The following BRD3 variants were observed in gnomAD, a reference collection of about 807,000 sequenced individuals.
The protein encoded by BRD3 is bromodomain containing 3.
Under a neutral mutation model 66.8 loss-of-function variants are expected in BRD3, and 17 were observed. That is an observed-to-expected ratio of 0.25 (90% CI 0.17 to 0.38). The LOEUF (loss-of-function observed/expected upper bound fraction) is 0.38, where lower values mean the gene tolerates loss of function less well. Ranked by LOEUF, BRD3 falls within the 10% of genes least tolerant of loss-of-function variation. The pLI, the probability that BRD3 is intolerant of heterozygous loss-of-function variation, is 1.00. For synonymous variants in BRD3, 421 were observed against 393.2 expected, an observed-to-expected ratio of 1.07 and a Z score of -0.84; for missense variants, 713 against 956.1, an observed-to-expected ratio of 0.75 and a Z score of 3.35.
chr9:134,039,339 T>TC (rs1351376828), intron 9 of BRD3, among the ~76,000 whole-genome samples: 2 of 152,194 alleles, frequency 1.3e-5, no homozygotes, highest in African/African-American at 4.8e-5. Flanking sequence ...TCACCTTTTT[T>TC]CCCAACTTGT....
At chr9:134,046,261 C>G (rs1830161358) in intron 6 of BRD3, among the ~76,000 whole-genome samples, 2 of 152,222 alleles carry the variant, frequency 1.3e-5, no homozygotes, top group South Asian at 4.1e-4. Context: ...AAGGTGGCCA[C>G]TGGGAACACA....
rs1433346885 is a variant in BRD3 at position 134,032,288 on chromosome 9, TTATATTA to T, written c.*1295_*1301del. On this transcript the variant is annotated 3_prime_UTR_variant, in exon 12 of 12. Coordinates refer to ENST00000303407, the MANE Select transcript of BRD3 (RefSeq NM_007371.4). ...CATTTTTTCTCTCAGATTACAAAGTTTATATTATATAACTGGGGTTCCCTAAATTGAT... is the reference window on the plus strand; with the variant it reads ...CATTTTTTCTCTCAGATTACAAAGTTTATAACTGGGGTTCCCTAAATTGAT... 3.6e-5 allele frequency: 8 copies of T among 219,560 alleles called. No homozygotes were observed. The Admixed American group carries it at 4.0e-4, about 11-fold the overall frequency. 13.6% of individuals were successfully genotyped at this position (219,560 alleles called of 1,614,324 possible).
chr9:134,068,058 C>T (rs1217422320), upstream of BRD3: 2 of 144,598 alleles, frequency 1.4e-5, no homozygotes, highest in Non-Finnish European at 3.1e-5. Context: ...GGCTCATGCG[C>T]TGCGCCGCGG....
At chr9:134,034,512 G>A in intron 11 of BRD3, 189 bp downstream of exon 11, 3 of 761,142 alleles carry the variant, frequency 3.9e-6, no homozygotes, top group East Asian at 5.5e-5. Flanking sequence ...CTCCCTGCAG[G>A]GTTGGGGTAT....
rs1439716560 is a variant in BRD3, at chr9:134,033,838, AT to A, written c.2066-134del. ...ACCCACTTCCTGACCCAGTCGTTTA[AT>A]AAGTATTTATTGAAATTAATCAGGT... On this transcript the variant is annotated intron_variant, in intron 11 of 11. Coordinates refer to ENST00000303407, the MANE Select transcript of BRD3 (RefSeq NM_007371.4). The surrounding 1 kb of genome is among the most constrained non-coding windows in gnomAD (Gnocchi z 5.1). The A allele has an allele frequency of 1.7e-6, 1 of 587,532 alleles. No individual in the cohort carries two copies. Among genetic ancestry groups the A allele is most frequent in the Non-Finnish European group, 3.0e-6 (1 of 328,330 alleles). The allele number at this position is 587,532 out of a possible 1,614,324, so 36.4% of individuals were successfully genotyped here.
At chr9:134,064,041 G>A (rs1830595920) in intron 1 of BRD3, among the ~76,000 whole-genome samples, 1 of 152,216 alleles carries the variant, frequency 6.6e-6, no homozygotes, top group Non-Finnish European at 1.5e-5. Flanking sequence ...GAGGCAGCCT[G>A]CGAACTGACT....
At chr9:134,063,064 C>T (rs996545785) in intron 1 of BRD3, among the ~76,000 whole-genome samples, 8 of 152,364 alleles carry the variant, frequency 5.3e-5, no homozygotes, top group African/African-American at 1.7e-4. Context: ...GGAGACAGGC[C>T]TGGCCTCACT....
At chr9:134,040,677 C>A (rs757613511) in intron 8 of BRD3, among the ~76,000 whole-genome samples, 2 of 152,232 alleles carry the variant, frequency 1.3e-5, no homozygotes, top group Non-Finnish European at 2.9e-5. Context: ...CCGTCATCTA[C>A]ATTAGGTGGG....
chr9:134,046,246 G>A (rs1376863514), intron 6 of BRD3, among the ~76,000 whole-genome samples: 2 of 152,210 alleles, frequency 1.3e-5, no homozygotes, highest in East Asian at 1.9e-4. Context: ...GTCGAGGGAC[G>A]CTTCAAGGTG....
chr9:134,048,563 G>A, intron 5 of BRD3, 109 bp from the exon 6 acceptor site: 1 of 1,513,044 alleles, frequency 6.6e-7, no homozygotes. Context: ...GCTGGGCTAA[G>A]CGGCCACATG....
intron 9 of BRD3, chr9:134,036,615 A>C (rs769689844): frequency 2.3e-4 from 361 of 1,549,428 alleles, no homozygotes; most frequent in Non-Finnish European, 3.0e-4. Context: ...ATCCAAAAGA[A>C]GGCAAAAAAG....
chr9:134,030,838 G>A lies in BRD3; in HGVS notation c.*2752C>T, dbSNP rs114877324. On this transcript the variant is annotated 3_prime_UTR_variant, in exon 12 of 12. Transcript: ENST00000303407. ...AAGCCTGCCCCCTCGGCCTCCAGGG[G>A]TCATTCAGAGTGTTCTCAAATCCAA... 959 of 232,472 alleles carry A rather than the reference G, an allele frequency of 4.1e-3. 7 individuals are homozygous for A. The highest frequency in any genetic ancestry group is 0.02 in the African/African-American group (900 of 45,410). 14.4% of individuals were successfully genotyped at this position (232,472 alleles called of 1,614,324 possible). A position where few individuals can be genotyped will look rare whatever the true frequency, so the allele number is the denominator to read the frequency against.
chr9:134,063,567 C>A (rs1830587279), intron 1 of BRD3, among the ~76,000 whole-genome samples: 1 of 152,356 alleles, frequency 6.6e-6, no homozygotes, highest in Non-Finnish European at 1.5e-5. Flanking sequence ...AGCTACAATA[C>A]TCAGCACTCC....
intron 10 of BRD3, among the ~76,000 whole-genome samples, chr9:134,035,106 C>T (rs1337912341): frequency 6.6e-6 from 1 of 152,216 alleles, no homozygotes; most frequent in Non-Finnish European, 1.5e-5. Context: ...ATTCCTATGG[C>T]GCAAACAGGT....
Position 134,031,604 on chromosome 9 carries a change from G to A in BRD3, c.*1986C>T. ...CAAACTGGCTGAAAACTCACCAAGT[G>A]TCAGACTCACCAGCAATTTAAAAAA... On this transcript the variant is annotated 3_prime_UTR_variant, in exon 12 of 12. Coordinates refer to ENST00000303407, the MANE Select transcript of BRD3 (RefSeq NM_007371.4). The A allele has an allele frequency of 4.7e-6, 1 of 212,218 alleles. No homozygotes were observed. The highest frequency in any genetic ancestry group is 9.5e-6 in the Non-Finnish European group (1 of 104,836). The allele number at this position is 212,218 out of a possible 1,614,324, so 13.1% of individuals were successfully genotyped here.
chr9:134,043,863 A>G (rs185299522), intron 7 of BRD3, among the ~76,000 whole-genome samples: 1 of 152,164 alleles, frequency 6.6e-6, no homozygotes, highest in East Asian at 1.9e-4. Context: ...ACTCGTTTTT[A>G]AAATCTGTTG....
chr9:134,064,822 G>T (rs1457400506), intron 1 of BRD3, among the ~76,000 whole-genome samples: 2 of 152,352 alleles, frequency 1.3e-5, no homozygotes, highest in African/African-American at 4.8e-5. Flanking sequence ...GATTTCACAG[G>T]AAGGAGAATA....
chr9:134,031,739 C>A lies in BRD3; in HGVS notation c.*1851G>T, dbSNP rs112288060. 1,583 of 211,466 alleles carry A rather than the reference C, an allele frequency of 7.5e-3. 32 individuals are homozygous for A. Among genetic ancestry groups the A allele is most frequent in the African/African-American group, 0.033 (1,467 of 44,136 alleles). The allele number at this position is 211,466 out of a possible 1,614,324, so 13.1% of individuals were successfully genotyped here. A position where few individuals can be genotyped will look rare whatever the true frequency, so the allele number is the denominator to read the frequency against. ...CAATTTTATGGTTGTTTTAAAATCA[C>A]CGTGTATTAGGATACTAATGATAGT... is the stretch of plus-strand genomic sequence containing the variant. On this transcript the variant is annotated 3_prime_UTR_variant, in exon 12 of 12. Transcript: ENST00000303407.
chr9:134,051,867 G>GT (rs1564555734), intron 3 of BRD3, among the ~76,000 whole-genome samples, 158 bp from the exon 4 acceptor site: 32 of 113,024 alleles, frequency 2.8e-4, no homozygotes, highest in African/African-American at 1.3e-3. Flanking sequence ...GTGTGTGTGT[G>GT]TGTGTGTGTG....
Sources: gnomAD v4.1 joint callset for allele counts (sites outside exome capture counted in the v4.1 genomes callset) on GRCh38, gnomAD v4.1.1 for gene constraint, Gnocchi (gnomAD v3.1) non-coding constraint, MANE v1.5 for transcripts, NCBI Gene and HGNC (gene_info 2026-07-23, HGNC 2026-07-21) for gene names.